NF2: variants seen among roughly 807,000 people sequenced by gnomAD.
NF2 encodes merlin.
In NF2, 8 loss-of-function variants were observed where a neutral mutation model predicts 83.7. The observed-to-expected ratio is 0.10, with a 90% confidence interval of 0.06 to 0.17. The LOEUF is 0.17. Ranked by LOEUF, NF2 falls within the 10% of genes least tolerant of loss-of-function variation. The pLI, the probability that NF2 is intolerant of heterozygous loss-of-function variation, is 1.00. For missense variants in NF2, 533 were observed against 744.4 expected (o/e 0.72, Z 3.31); for synonymous variants, 266 against 269.6 (o/e 0.99, Z 0.13).
chr22:29,675,992 G>C (rs983300526), intron 13 of NF2, among the ~76,000 whole-genome samples: 1 of 152,110 alleles, frequency 6.6e-6, no homozygotes, highest in Non-Finnish European at 1.5e-5. Flanking sequence ...ACCCAAGCCA[G>C]CTGTGTGGCT....
chr22:29,697,983 G>A lies in NF2; in HGVS notation c.*3181G>A. 4.4e-6 allele frequency: 1 copy of A among 227,274 alleles called. No individual in the cohort carries two copies. Among genetic ancestry groups the A allele is most frequent in the Non-Finnish European group, 8.8e-6 (1 of 114,238 alleles). 14.1% of individuals were successfully genotyped at this position (227,274 alleles called of 1,614,324 possible). ...GGTTTCATTACGAGCCCTTCTGCTGGCTCTCAGGCAGAAGCCCCACAGCAC... is the reference window on the plus strand; with the variant it reads ...GGTTTCATTACGAGCCCTTCTGCTGACTCTCAGGCAGAAGCCCCACAGCAC... On this transcript the variant is annotated 3_prime_UTR_variant, in exon 16 of 16. Transcript: ENST00000338641.
At chr22:29,682,675 G>A (rs1240316048) in intron 15 of NF2, among the ~76,000 whole-genome samples, 6 of 152,184 alleles carry the variant, frequency 3.9e-5, no homozygotes, top group Non-Finnish European at 8.8e-5. Context: ...TTCAAGGGAG[G>A]CCTCGGTCAT....
At chr22:29,642,960 CTT>C (rs566160360) in intron 4 of NF2, among the ~76,000 whole-genome samples, 20 of 144,668 alleles carry the variant, frequency 1.4e-4, no homozygotes, top group Non-Finnish European at 1.5e-4. Context: ...CACTATAGAC[CTT>C]TTTTTTTTTT....
At chr22:29,630,905 G>T (rs566603377) in intron 1 of NF2, among the ~76,000 whole-genome samples, 1 of 152,152 alleles carries the variant, frequency 6.6e-6, no homozygotes, top group Non-Finnish European at 1.5e-5. Context: ...CAAGTGGCAC[G>T]AGTGCAGGGC....
chr22:29,621,190 C>T (rs953205570), intron 1 of NF2, among the ~76,000 whole-genome samples: 1 of 152,188 alleles, frequency 6.6e-6, no homozygotes, highest in Non-Finnish European at 1.5e-5. Flanking sequence ...ACTCAAGCTT[C>T]AGTTTCCTTG....
At chr22:29,613,084 G>A (rs1376091264) in intron 1 of NF2, among the ~76,000 whole-genome samples, 2 of 149,568 alleles carry the variant, frequency 1.3e-5, no homozygotes, top group African/African-American at 2.5e-5. Flanking sequence ...CAACAAGAGC[G>A]AAACTCCATC....
At chr22:29,641,308 A>T (rs138870144) in intron 3 of NF2, among the ~76,000 whole-genome samples, 6 of 152,320 alleles carry the variant, frequency 3.9e-5, no homozygotes, top group African/African-American at 1.4e-4. Flanking sequence ...TTGTGTTTGA[A>T]CGTAAACACC....
At chr22:29,689,629 T>C (rs906864947) in intron 15 of NF2, among the ~76,000 whole-genome samples, 10 of 152,246 alleles carry the variant, frequency 6.6e-5, no homozygotes, top group African/African-American at 1.9e-4. Flanking sequence ...TACCTTCTTT[T>C]CTCCTCCCCT....
At chr22:29,644,050 G>A (rs1234277053) in intron 4 of NF2, among the ~76,000 whole-genome samples, 1 of 151,748 alleles carries the variant, frequency 6.6e-6, no homozygotes, top group Non-Finnish European at 1.5e-5. Context: ...CGGACGGGGT[G>A]GCTGCCGGGC....
At chr22:29,681,341 C>T in intron 14 of NF2, 98 bp from the exon 15 acceptor site, 1 of 1,495,724 alleles carries the variant, frequency 6.7e-7, no homozygotes, top group Non-Finnish European at 9.2e-7. Flanking sequence ...GGCCTCAAAC[C>T]CTAGATCGCA....
At chr22:29,627,785 C>T (rs1365145850) in intron 1 of NF2, among the ~76,000 whole-genome samples, 5 of 152,080 alleles carry the variant, frequency 3.3e-5, no homozygotes, top group African/African-American at 1.2e-4. Flanking sequence ...TTGTGGCTTC[C>T]CAAGGTGCTG....
chr22:29,644,637 C>T (rs1264913568), intron 4 of NF2, among the ~76,000 whole-genome samples: 3 of 152,208 alleles, frequency 2.0e-5, no homozygotes, highest in Admixed American at 6.5e-5. Context: ...CACCATTGAG[C>T]ACTGAGTGAA....
intron 1 of NF2, among the ~76,000 whole-genome samples, chr22:29,618,872 T>C (rs1043972064): frequency 1.3e-5 from 2 of 152,188 alleles, no homozygotes; most frequent in African/African-American, 4.8e-5. Flanking sequence ...GGAAGACAGA[T>C]AGAACAATTC....
chr22:29,642,094 C>G (rs2065825873), intron 3 of NF2, 108 bp from the exon 4 acceptor site: 1 of 872,296 alleles, frequency 1.1e-6, no homozygotes, highest in East Asian at 2.4e-5. Flanking sequence ...TATTAACAGG[C>G]TGCTCTGGCA....
At chr22:29,664,194 A>G (rs1285350922) in intron 8 of NF2, among the ~76,000 whole-genome samples, 1 of 152,028 alleles carries the variant, frequency 6.6e-6, no homozygotes, top group Non-Finnish European at 1.5e-5. Flanking sequence ...TGCAGCCTCA[A>G]ACTCTTGGCC....
At chr22:29,614,580 TAAA>T (rs397868024) in intron 1 of NF2, among the ~76,000 whole-genome samples, 4 of 71,494 alleles carry the variant, frequency 5.6e-5, no homozygotes, top group Admixed American at 1.5e-4. Flanking sequence ...AGACTCCATC[TAAA>T]AAAAAAAAAA....
intron 9 of NF2, among the ~76,000 whole-genome samples, chr22:29,666,890 C>T (rs1427899806): frequency 2.0e-5 from 3 of 152,032 alleles, no homozygotes; most frequent in East Asian, 3.9e-4. Context: ...GGCAGGAGAT[C>T]GCTTGAACCC....
chr22:29,665,895 A>G (rs1447838769), intron 9 of NF2, among the ~76,000 whole-genome samples: 1 of 152,116 alleles, frequency 6.6e-6, no homozygotes, highest in East Asian at 1.9e-4. Flanking sequence ...TTGAGTATTC[A>G]TCATCCTCTT....
intron 13 of NF2, among the ~76,000 whole-genome samples, chr22:29,677,825 C>T (rs1458630022): frequency 1.3e-5 from 2 of 152,226 alleles, no homozygotes; most frequent in African/African-American, 2.4e-5. Flanking sequence ...ATTTCCTGAA[C>T]AAGACTTTCA....
Sources: allele counts gnomAD v4.1 joint callset (sites outside exome capture counted in the v4.1 genomes callset), GRCh38; gene constraint gnomAD v4.1.1; transcripts MANE v1.5; gene names NCBI Gene and HGNC (gene_info 2026-07-23, HGNC 2026-07-21).